CD82: variants seen among roughly 807,000 people sequenced by gnomAD.
CD82 encodes CD82 antigen.
In CD82, 36 loss-of-function variants were observed where a neutral mutation model predicts 37.4. The observed-to-expected ratio is 0.96, with a 90% CI of 0.74 to 1.27. The LOEUF (loss-of-function observed/expected upper bound fraction) is 1.27. Among genes scored for constraint, CD82 ranks in the 50% most tolerant of loss-of-function variants. The pLI is 0.00. For synonymous variants in CD82, 158 were observed against 137.4 expected (o/e 1.15, Z -1.05); for missense variants, 340 against 347.0 (o/e 0.98, Z 0.16).
At chr11:44,590,905 C>T (rs1853136525) in intron 2 of CD82, among the ~76,000 whole-genome samples, 1 of 152,216 alleles carries the variant, frequency 6.6e-6, no homozygotes, top group Non-Finnish European at 1.5e-5. Context: ...CTGGGTGTGT[C>T]CCCGCCTCAG....
chr11:44,588,213 T>TG lies in CD82; in HGVS notation c.-21+657_-21+658insG, dbSNP rs371078980. Among the ~76,000 whole-genome samples, 207 of 125,562 alleles carry TG rather than the reference T, an allele frequency of 1.6e-3. 2 individuals carry two copies. The highest frequency in any genetic ancestry group is 0.011 in the Middle Eastern group (3 of 262). The allele number at this position is 125,562 out of a possible 152,430, so 82.4% of individuals were successfully genotyped here. A position where few individuals can be genotyped will look rare whatever the true frequency, so the allele number is the denominator to read the frequency against. ...TCTGCAAAGTAGGATTTTGGGGTTT[T>TG]TTTTTTGTTTTTTGTTTTTTGTTTT... On this transcript the variant is annotated intron_variant, in intron 2 of 9. Transcript: ENST00000227155.
intron 1 of CD82, chr11:44,585,433 T>A (rs1853039354): frequency 2.4e-6 from 1 of 414,834 alleles, no homozygotes; most frequent in Non-Finnish European, 4.9e-6. Context: ...CACCCAAGGC[T>A]ACACTGCTGG....
At chr11:44,618,391 G>A (rs768287003) in intron 8 of CD82, 26 bp downstream of exon 8, 8 of 1,598,166 alleles carry the variant, frequency 5.0e-6, no homozygotes, top group South Asian at 4.4e-5. Context: ...CGGATCGGGG[G>A]CGGGGCTCCG....
intron 6 of CD82, among the ~76,000 whole-genome samples, chr11:44,612,473 A>G (rs1180325587): frequency 6.6e-6 from 1 of 150,974 alleles, no homozygotes. Context: ...GTTAGCCACT[A>G]TTAGTGTTGG....
At chr11:44,573,861 TCA>T (rs1565079479) in intron 1 of CD82, among the ~76,000 whole-genome samples, 1 of 152,222 alleles carries the variant, frequency 6.6e-6, no homozygotes, top group Non-Finnish European at 1.5e-5. Flanking sequence ...TCTTGGCCTC[TCA>T]GAGTCTTGGT....
chr11:44,588,739 G>A (rs1160002060), intron 2 of CD82, among the ~76,000 whole-genome samples: 1 of 152,190 alleles, frequency 6.6e-6, no homozygotes, highest in Middle Eastern at 3.2e-3. Flanking sequence ...GTGTCTTGGG[G>A]GTCAGAGGGT....
At chr11:44,594,110 A>G (rs1853185580) in intron 2 of CD82, among the ~76,000 whole-genome samples, 1 of 152,194 alleles carries the variant, frequency 6.6e-6, no homozygotes, top group Non-Finnish European at 1.5e-5. Flanking sequence ...TGGGTGTTCT[A>G]CAATGCATGT....
In CD82 at chr11:44,618,703, G is replaced by A. The variant is rs367797052; in HGVS notation, c.706G>A (p.Val236Met). Residue 236 changes from valine (V) to methionine (M), a missense_variant, in exon 9 of 10, where the codon GTG becomes ATG. Val to Met is a conservative substitution (Grantham distance 21). Coordinates refer to ENST00000227155, the MANE Select transcript of CD82 (RefSeq NM_002231.4). ...ENLGIILGVGVGVAIIELLGM... is the reference protein window; with the variant it reads ...ENLGIILGVGMGVAIIELLGM... ...CCTGGGCATCATCCTCGGCGTGGGC[G>A]TGGGTGTGGCCATCATCGAGGTCTG... 3.0e-5 allele frequency: 49 copies of A among 1,613,346 alleles called. No individual in the cohort carries two copies. The highest frequency in any genetic ancestry group is 5.3e-5 in the African/African-American group (4 of 74,894).
intron 2 of CD82, among the ~76,000 whole-genome samples, chr11:44,593,147 A>G (rs1485385768): frequency 1.3e-5 from 2 of 152,228 alleles, no homozygotes; most frequent in African/African-American, 4.8e-5. Flanking sequence ...CTTGACAAGG[A>G]GGATGGAAGA....
intron 6 of CD82, among the ~76,000 whole-genome samples, chr11:44,613,735 A>G (rs777064555): frequency 6.6e-6 from 1 of 151,916 alleles, no homozygotes; most frequent in Non-Finnish European, 1.5e-5. Context: ...AAGTGAGAGG[A>G]TTGCTTAACC....
rs924270799 is a variant in CD82 at position 44,597,489 on chromosome 11, C to T, written c.64-2669C>T. 6.6e-6 allele frequency among the ~76,000 whole-genome samples: 1 copy of T among 152,256 alleles called. No individual in the cohort carries two copies. The highest frequency in any genetic ancestry group is 2.4e-5 in the African/African-American group (1 of 41,464). ...CTCCTTTCTGGCTCTGCCACAGCCC[C>T]GTGGCTAATCCAGCCACATCTGACC... is the stretch of plus-strand genomic sequence containing the variant. On this transcript the variant is annotated intron_variant, in intron 3 of 9. Coordinates refer to ENST00000227155, the MANE Select transcript of CD82 (RefSeq NM_002231.4). The surrounding 1 kb of genome is among the most constrained non-coding windows in gnomAD (Gnocchi z 4.1).
intron 7 of CD82, among the ~76,000 whole-genome samples, chr11:44,616,036 C>T (rs1853559492): frequency 6.6e-6 from 1 of 152,098 alleles, no homozygotes; most frequent in Admixed American, 6.5e-5. Flanking sequence ...CTTGTGGTCC[C>T]GGATGCTGCA....
Position 44,597,761 on chromosome 11 carries a change from G to A in CD82, c.64-2397G>A, listed in dbSNP as rs904671909. On this transcript the variant is annotated intron_variant, in intron 3 of 9. Transcript: ENST00000227155. This position sits in a 1 kb window ranked among gnomAD's most constrained non-coding sequence, Gnocchi z 4.1. Reference sequence around the variant, plus strand: ...ATGGGGCAGGGGCTCTGCCCACATGGGTCTGAGATGCAGAGGGAGCAGACG... The same window carrying A: ...ATGGGGCAGGGGCTCTGCCCACATGAGTCTGAGATGCAGAGGGAGCAGACG... 2.6e-5 allele frequency among the ~76,000 whole-genome samples: 4 copies of A among 152,222 alleles called. No homozygotes were observed. The highest frequency in any genetic ancestry group is 4.4e-5 in the Non-Finnish European group (3 of 68,034).
intron 4 of CD82, among the ~76,000 whole-genome samples, chr11:44,602,209 C>A (rs928456659): frequency 4.6e-5 from 7 of 152,188 alleles, no homozygotes; most frequent in African/African-American, 1.7e-4. Flanking sequence ...ACCTTAGTAA[C>A]AGGAAGCACT....
At chr11:44,585,159 A>G (rs1175926893) in intron 1 of CD82, 1 of 455,802 alleles carries the variant, frequency 2.2e-6, no homozygotes, top group African/African-American at 2.0e-5. Flanking sequence ...ACCCAGGAGC[A>G]GCAGTGGTCA....
chr11:44,611,165 C>T (rs1853475567), intron 6 of CD82, among the ~76,000 whole-genome samples: 1 of 152,142 alleles, frequency 6.6e-6, no homozygotes, highest in African/African-American at 2.4e-5. Context: ...AACAAGGGGC[C>T]CTGCATTTTT....
chr11:44,595,908 C>CAAAAAAAA (rs71449886), intron 3 of CD82, among the ~76,000 whole-genome samples: 55 of 69,608 alleles, frequency 7.9e-4, no homozygotes, highest in Admixed American at 1.5e-3. Context: ...TGTTTCTCTA[C>CAAAAAAAA]AAAAAAAAAA....
In CD82 at chr11:44,619,795, G is replaced by A. The variant is rs1262190719; in HGVS notation, c.*669G>A. 1 of 151,712 alleles carries A rather than the reference G, an allele frequency of 6.6e-6. No homozygotes were observed. Among genetic ancestry groups the A allele is most frequent in the Non-Finnish European group, 1.5e-5 (1 of 68,004 alleles). The allele number at this position is 151,712 out of a possible 1,614,324, so 9.4% of individuals were successfully genotyped here. On this transcript the variant is annotated 3_prime_UTR_variant, in exon 10 of 10. Transcript: ENST00000227155. ...AAAAAAAAAAAAAAAAAAAATTGGG[G>A]AGGGAAGGGCGTTAGATAAGGCACT...
intron 6 of CD82, among the ~76,000 whole-genome samples, chr11:44,613,865 T>C (rs550107516): frequency 4.6e-5 from 7 of 151,970 alleles, no homozygotes; most frequent in African/African-American, 1.7e-4. Context: ...AGTGAGATGT[T>C]TTTGGAGCTC....
Sources: allele counts gnomAD v4.1 joint callset (sites outside exome capture counted in the v4.1 genomes callset), GRCh38; gene constraint gnomAD v4.1.1; non-coding constraint Gnocchi (gnomAD v3.1); transcripts MANE v1.5; gene names NCBI Gene and HGNC (gene_info 2026-07-23, HGNC 2026-07-21).